ITGA7: variants seen among roughly 807,000 people sequenced by gnomAD.
ITGA7 encodes integrin alpha-7.
In ITGA7, 84 loss-of-function variants were observed where a neutral mutation model predicts 131.6. The ratio of observed to expected loss-of-function variants is 0.64; its 90% confidence interval spans 0.54 to 0.77. The LOEUF is 0.77. Ranked by LOEUF, ITGA7 falls within the 30% of genes least tolerant of loss-of-function variation. The pLI, the probability that ITGA7 is intolerant of heterozygous loss-of-function variation, is 0.00. For missense variants in ITGA7, 1,399 were observed against 1,482.9 expected, an observed-to-expected ratio of 0.94 and a Z score of 0.93; for synonymous variants, 548 against 600.7, an observed-to-expected ratio of 0.91 and a Z score of 1.28.
Position 55,685,251 on chromosome 12 carries a change from G to A in ITGA7, c.3221C>T (p.Thr1074Ile), listed in dbSNP as rs1161262544. The A allele has an allele frequency of 1.2e-6, 2 of 1,614,230 alleles. No individual in the cohort carries two copies. Among genetic ancestry groups the A allele is most frequent in the African/African-American group, 1.3e-5 (1 of 75,072 alleles). Residue 1074 changes from threonine (T) to isoleucine (I), a missense_variant, in exon 25 of 25, where the codon ACC (threonine) becomes ATC (isoleucine). Coordinates refer to ENST00000257879, the MANE Select transcript of ITGA7 (RefSeq NM_002206.3). ...CTTCACCGCATGGTACTGGGGCACG[G>A]TGGCCTCGGGGTGCTTCGCCCGTTT... ...FFKRAKHPEATVPQYHAVKIP... is the reference protein window; with the variant it reads ...FFKRAKHPEAIVPQYHAVKIP...
At chr12:55,687,169 CTTTTTTTTTTT>C (rs1187388992) in intron 24 of ITGA7, among the ~76,000 whole-genome samples, 4 of 88,178 alleles carry the variant, frequency 4.5e-5, no homozygotes, top group South Asian at 7.6e-4. Context: ...CATCTGATTT[CTTTTTTTTTTT>C]TTTTTTTTTT....
chr12:55,712,399 C>G (rs1191643463), upstream of ITGA7: 2 of 702,032 alleles, frequency 2.8e-6, no homozygotes, highest in Non-Finnish European at 5.2e-6. Context: ...GCCTTGTCTA[C>G]TCACTCTGTG....
chr12:55,708,409 C>A (rs992490742), upstream of ITGA7, among the ~76,000 whole-genome samples: 3 of 152,112 alleles, frequency 2.0e-5, 1 homozygote, highest in Admixed American at 2.0e-4. Context: ...CTGCCCTCCC[C>A]CATCCTATCC....
rs1870799840 is a variant in ITGA7, at chr12:55,688,738, G to GT, written c.2958+105_2958+106insA. On this transcript the variant is annotated intron_variant, in intron 22 of 24. Coordinates refer to ENST00000257879, the MANE Select transcript of ITGA7 (RefSeq NM_002206.3). ...ACTCCGTCTCAAAAAAAAAAAAAAG[G>GT]GGGGGGATGCTGCATTTGGACAGTG... is the stretch of plus-strand genomic sequence containing the variant. 25 of 844,172 alleles carry GT rather than the reference G, an allele frequency of 3.0e-5. No homozygotes were observed. The Admixed American group carries it at 4.8e-4, about 16-fold the overall frequency. 52.3% of individuals were successfully genotyped at this position (844,172 alleles called of 1,614,324 possible). A position where few individuals can be genotyped will look rare whatever the true frequency, so the allele number is the denominator to read the frequency against.
In ITGA7 at chr12:55,701,513, C is replaced by T. The variant is rs1479194536; in HGVS notation, c.415-359G>A. 2.5e-6 allele frequency: 3 copies of T among 1,213,318 alleles called. No homozygotes were observed. In the Admixed American group the frequency reaches 5.9e-5, roughly 24 times the overall value. 75.2% of individuals were successfully genotyped at this position (1,213,318 alleles called of 1,614,324 possible). A position where few individuals can be genotyped will look rare whatever the true frequency, so the allele number is the denominator to read the frequency against. On this transcript the variant is annotated intron_variant, in intron 3 of 24. Coordinates refer to ENST00000257879, the MANE Select transcript of ITGA7 (RefSeq NM_002206.3). ...CCAAAATGCCAAGCTTGGCCCTGTC[C>T]CTGGACCTTTGTAAGTGTCACCATC... is the stretch of plus-strand genomic sequence containing the variant.
At chr12:55,697,858 C>T in intron 8 of ITGA7, 36 bp from the exon 9 acceptor site, 1 of 1,614,088 alleles carries the variant, frequency 6.2e-7, no homozygotes, top group African/African-American at 1.3e-5. Flanking sequence ...TCAATCCCAC[C>T]TCCCGCAGGC....
upstream of ITGA7, among the ~76,000 whole-genome samples, chr12:55,712,906 C>T (rs577045541): frequency 2.7e-4 from 41 of 152,226 alleles, no homozygotes; most frequent in African/African-American, 9.4e-4. Flanking sequence ...TCCTGGCAGT[C>T]TCTACACCGA....
chr12:55,713,996 C>T (rs1876315513), upstream of ITGA7, among the ~76,000 whole-genome samples: 1 of 152,306 alleles, frequency 6.6e-6, no homozygotes, highest in Admixed American at 6.5e-5. Context: ...TGAGAGAATG[C>T]CAAAGCTGGA....
chr12:55,700,692 T>C, intron 4 of ITGA7: 1 of 705,068 alleles, frequency 1.4e-6, no homozygotes, highest in Admixed American at 2.8e-5. Context: ...CATGCCAGCA[T>C]GTTGAGGAAC....
intron 9 of ITGA7, 27 bp downstream of exon 9, chr12:55,697,668 G>GA: frequency 6.2e-7 from 1 of 1,614,138 alleles, no homozygotes; most frequent in Non-Finnish European, 8.5e-7. Flanking sequence ...ACGGCCTCAG[G>GA]GAGGGAAAAG....
chr12:55,713,663 C>CAGT (rs1876295519), upstream of ITGA7, among the ~76,000 whole-genome samples: 1 of 152,170 alleles, frequency 6.6e-6, no homozygotes, highest in Non-Finnish European at 1.5e-5. Context: ...AAAGAAGATA[C>CAGT]AGTACACATA....
At chr12:55,710,229 C>T (rs376534536), upstream of ITGA7, among the ~76,000 whole-genome samples, 3 of 151,956 alleles carry the variant, frequency 2.0e-5, no homozygotes, top group African/African-American at 4.8e-5. Context: ...GGTGTGGTGG[C>T]GGGTACCTGT....
intron 19 of ITGA7, among the ~76,000 whole-genome samples, chr12:55,693,555 C>G (rs1029277431): frequency 7.2e-5 from 11 of 151,992 alleles, no homozygotes; most frequent in Admixed American, 7.2e-4. Context: ...GGAACAAGGG[C>G]TGAAGAGAAG....
chr12:55,703,383 A>G (rs1874501419), intron 1 of ITGA7, among the ~76,000 whole-genome samples: 1 of 151,604 alleles, frequency 6.6e-6, no homozygotes, highest in Non-Finnish European at 1.5e-5. Flanking sequence ...GCATGTACAT[A>G]CTATCTGGAT....
upstream of ITGA7, chr12:55,716,322 G>C: frequency 2.0e-6 from 3 of 1,494,732 alleles, no homozygotes; most frequent in Non-Finnish European, 1.8e-6. Context: ...GGGCATGGGG[G>C]AGAGGGAATT....
chr12:55,713,615 A>G (rs1876292318), upstream of ITGA7, among the ~76,000 whole-genome samples: 1 of 152,264 alleles, frequency 6.6e-6, no homozygotes, highest in African/African-American at 2.4e-5. Flanking sequence ...ACATACATGT[A>G]AAGTGCTTGA....
upstream of ITGA7, among the ~76,000 whole-genome samples, chr12:55,714,925 A>T (rs1271879588): frequency 7.6e-6 from 1 of 130,756 alleles, no homozygotes; most frequent in African/African-American, 2.9e-5. Flanking sequence ...CAGTGGCGTG[A>T]TCTCGGCTCA....
At chr12:55,702,385 G>A (rs1000704895) in intron 3 of ITGA7, among the ~76,000 whole-genome samples, 6 of 151,822 alleles carry the variant, frequency 4.0e-5, no homozygotes, top group African/African-American at 1.5e-4. Context: ...TTTCACCATG[G>A]TCTCGATCTC....
Position 55,684,985 on chromosome 12 carries a change from C to A in ITGA7, c.*73G>T. ...ATGCGACACCAGCAGCCCACTCTAC[C>A]CTCTTCATCCCAAGGAGCCATCTCT... On this transcript the variant is annotated 3_prime_UTR_variant, in exon 25 of 25. Coordinates refer to ENST00000257879, the MANE Select transcript of ITGA7 (RefSeq NM_002206.3). 7.8e-7 allele frequency: 1 copy of A among 1,288,160 alleles called. No homozygotes were observed. Among genetic ancestry groups the A allele is most frequent in the Non-Finnish European group, 1.1e-6 (1 of 942,750 alleles). 79.8% of individuals were successfully genotyped at this position (1,288,160 alleles called of 1,614,324 possible).
Sources: gnomAD v4.1 joint callset for allele counts (sites outside exome capture counted in the v4.1 genomes callset) on GRCh38, gnomAD v4.1.1 for gene constraint, MANE v1.5 for transcripts, NCBI Gene and HGNC (gene_info 2026-07-23, HGNC 2026-07-21) for gene names.